The following KIFC3 variants were observed in gnomAD, a reference collection of about 807,000 sequenced individuals.
KIFC3 encodes kinesin family member C3.
KIFC3 carries 60 observed loss-of-function variants against 101.8 expected under a neutral mutation model. The observed-to-expected ratio is 0.59, with a 90% CI of 0.48 to 0.73. The LOEUF is 0.73. Among genes scored for constraint, KIFC3 ranks in the 30% least tolerant of loss-of-function variants. The pLI is 0.00. For missense variants in KIFC3, 966 were observed against 1,137.1 expected (o/e 0.85, Z 2.16); for synonymous variants, 476 against 482.7 (o/e 0.99, Z 0.18).
At chr16:57,857,235 T>C (rs2056188464) in intron 1 of KIFC3, among the ~76,000 whole-genome samples, 1 of 152,042 alleles carries the variant, frequency 6.6e-6, no homozygotes, top group African/African-American at 2.4e-5. Context: ...AGAGTAAACG[T>C]GAAGGTCAGG....
At position 57,798,136 on chromosome 16, in the gene KIFC3, G is replaced by A; in HGVS notation, c.108C>T (p.Ala36=). ...PEPEPGMARP[A]PAPASPAARP... The stretch of plus-strand genomic sequence containing the variant: ...GGGCGGCCGGGCTGGCTGGGGCTGG[G>A]GCGGGGCGAGCCATCCCCGGCTCGG... Residue 36 remains alanine, a synonymous_variant, in exon 2 of 20, where the codon GCC becomes GCT. Transcript: ENST00000445690. 10 of 1,557,158 alleles carry A rather than the reference G, an allele frequency of 6.4e-6. No individual in the cohort carries two copies. Among genetic ancestry groups the A allele is most frequent in the Non-Finnish European group, 8.7e-6 (10 of 1,151,122 alleles).
At chr16:57,820,828 T>C (rs781898896) in intron 1 of KIFC3, among the ~76,000 whole-genome samples, 4 of 152,114 alleles carry the variant, frequency 2.6e-5, no homozygotes, top group Non-Finnish European at 5.9e-5. Flanking sequence ...ATGAATTCAA[T>C]AGAGAATACA....
chr16:57,763,793 G>A (rs969424272), intron 12 of KIFC3, among the ~76,000 whole-genome samples: 2 of 152,140 alleles, frequency 1.3e-5, no homozygotes, highest in African/African-American at 2.4e-5. Context: ...CCAAGGCAGC[G>A]GTAAAGCAGG....
chr16:57,850,387 A>T (rs1170501274), intron 1 of KIFC3, among the ~76,000 whole-genome samples: 1 of 151,512 alleles, frequency 6.6e-6, no homozygotes, highest in Non-Finnish European at 1.5e-5. Flanking sequence ...TGGGGGAGAG[A>T]GTGAGACCCT....
chr16:57,775,096 G>C, intron 3 of KIFC3: 1 of 1,490,288 alleles, frequency 6.7e-7, no homozygotes, highest in South Asian at 1.3e-5. Flanking sequence ...ACCTGCCTGC[G>C]GCCCAGGGTT....
chr16:57,825,515 G>A (rs1248914275), intron 1 of KIFC3, among the ~76,000 whole-genome samples: 1 of 152,176 alleles, frequency 6.6e-6, no homozygotes, highest in Non-Finnish European at 1.5e-5. Context: ...TGTGAGTCAG[G>A]CTTTGACCTT....
In KIFC3 at chr16:57,759,733, G is replaced by A; in HGVS notation, c.2471C>T (p.Pro824Leu). ...CACTGCCACTCCAGGCTCACCCGAG[G>A]GCTGCAGCTTCCTCCGGATGGATCC... The part of the protein sequence containing the change: ...RPGSIRRKLQ[P>L]SA Residue 824 changes from proline to leucine, a missense_variant, in exon 18 of 20, where the codon CCC (proline) becomes CTC (leucine). This residue lies in a region of KIFC3 where 689 missense variants were observed against 884.6 expected (regional missense o/e 0.78). Coordinates refer to ENST00000445690, the MANE Select transcript of KIFC3 (RefSeq NM_001130100.2). 2 of 1,609,098 alleles carry A rather than the reference G, an allele frequency of 1.2e-6. No homozygotes were observed. The highest frequency in any genetic ancestry group is 1.7e-6 in the Non-Finnish European group (2 of 1,177,850).
chr16:57,760,061 C>A (rs1471355572), intron 17 of KIFC3: 4 of 627,342 alleles, frequency 6.4e-6, no homozygotes, highest in Non-Finnish European at 1.1e-5. Context: ...TGTGCCACCC[C>A]CACGGCCAGC....
chr16:57,778,329 A>G (rs2052356329), intron 3 of KIFC3, among the ~76,000 whole-genome samples: 1 of 152,234 alleles, frequency 6.6e-6, no homozygotes, highest in Admixed American at 6.5e-5. Context: ...AGCTAAAACT[A>G]TAAAACTCTC....
intron 16 of KIFC3, 151 bp from the exon 17 acceptor site, chr16:57,760,567 G>T: frequency 8.8e-7 from 1 of 1,138,106 alleles, no homozygotes; most frequent in Non-Finnish European, 1.3e-6. Flanking sequence ...GAGGTGCTGT[G>T]GTCAAAGGTG....
intron 1 of KIFC3, among the ~76,000 whole-genome samples, chr16:57,811,840 G>A (rs554953707): frequency 6.6e-6 from 1 of 151,108 alleles, no homozygotes; most frequent in East Asian, 2.0e-4. Flanking sequence ...ACTTGAACCT[G>A]GGAGGCAGAG....
At chr16:57,843,612 A>T (rs376203035) in intron 1 of KIFC3, among the ~76,000 whole-genome samples, 1 of 152,034 alleles carries the variant, frequency 6.6e-6, no homozygotes, top group Admixed American at 6.5e-5. Context: ...GGAGTTCAAG[A>T]CTAGCCTGGG....
intron 1 of KIFC3, among the ~76,000 whole-genome samples, chr16:57,851,494 T>C (rs542964647): frequency 6.6e-6 from 1 of 152,356 alleles, no homozygotes; most frequent in South Asian, 2.1e-4. Flanking sequence ...GTTTTGAATA[T>C]TCATTTATTC....
intron 1 of KIFC3, among the ~76,000 whole-genome samples, chr16:57,860,550 C>A (rs1306550870): frequency 1.3e-5 from 2 of 152,138 alleles, no homozygotes; most frequent in African/African-American, 4.8e-5. Context: ...GAAAATGGGT[C>A]TTGTCCCAGA....
chr16:57,797,053 C>G (rs1555623328), intron 2 of KIFC3, among the ~76,000 whole-genome samples: 1 of 152,226 alleles, frequency 6.6e-6, no homozygotes, highest in African/African-American at 2.4e-5. Flanking sequence ...GAGCAGCCAG[C>G]CCCAGACAAC....
At chr16:57,819,347 G>A (rs1355257215) in intron 1 of KIFC3, among the ~76,000 whole-genome samples, 7 of 152,142 alleles carry the variant, frequency 4.6e-5, no homozygotes, top group African/African-American at 1.7e-4. Context: ...TCATGTGCCT[G>A]TAGTGCTAGC....
chr16:57,859,888 G>C (rs2056256567), intron 1 of KIFC3, among the ~76,000 whole-genome samples: 1 of 151,650 alleles, frequency 6.6e-6, no homozygotes, highest in African/African-American at 2.4e-5. Flanking sequence ...CAGGTGTGGT[G>C]GCGCATGCCT....
intron 1 of KIFC3, among the ~76,000 whole-genome samples, chr16:57,799,941 C>A (rs1431443544): frequency 6.6e-6 from 1 of 151,914 alleles, no homozygotes; most frequent in East Asian, 1.9e-4. Flanking sequence ...TGGCAAACTT[C>A]GGAGGGCTCA....
chr16:57,860,345 C>T (rs1319925217), intron 1 of KIFC3, among the ~76,000 whole-genome samples: 2 of 152,092 alleles, frequency 1.3e-5, no homozygotes, highest in East Asian at 3.9e-4. Context: ...CCCAGCTACT[C>T]AGGAGGCTAA....
Sources: allele counts gnomAD v4.1 joint callset (sites outside exome capture counted in the v4.1 genomes callset), GRCh38; gene constraint gnomAD v4.1.1; regional missense constraint gnomAD v4.1.1; transcripts MANE v1.5; gene names NCBI Gene and HGNC (gene_info 2026-07-23, HGNC 2026-07-21).